TRNT1: variants seen among roughly 807,000 people sequenced by gnomAD.
TRNT1 encodes the protein CCA tRNA nucleotidyltransferase 1, mitochondrial.
A neutral mutation model predicts 45.6 loss-of-function variants in TRNT1; 44 were observed. The ratio of observed to expected loss-of-function variants is 0.97; its 90% CI spans 0.76 to 1.24. The LOEUF (loss-of-function observed/expected upper bound fraction) is 1.24. Ranked by LOEUF, TRNT1 falls within the 50% of genes most tolerant of loss-of-function variation. The pLI, the probability that TRNT1 is intolerant of heterozygous loss-of-function variation, is 0.00. For missense variants in TRNT1, 633 were observed against 504.4 expected (o/e 1.25, Z -2.44); for synonymous variants, 201 against 171.4 (o/e 1.17, Z -1.35).
In TRNT1 at chr3:3,148,051, G is replaced by GAA. The variant is rs1449106096; in HGVS notation, c.1205_1206dup (p.Glu403LysfsTer27). The GAA allele has an allele frequency of 1.4e-5, 23 of 1,613,770 alleles. No homozygotes were observed. The highest frequency in any genetic ancestry group is 1.9e-5 in the Non-Finnish European group (22 of 1,179,860). ...ATCAGAAAAGTGGGCATTTCTTCAG[G>GAA]AAAAGAAATTGGGGCTCTATTACAA... On this transcript the variant is annotated frameshift_variant, in exon 8 of 8. Transcript: ENST00000251607. LOFTEE classifies it high-confidence loss of function.
rs1207772490 is a variant in TRNT1 at position 3,129,893 on chromosome 3, A to C, written c.148+705A>C. 2.6e-6 allele frequency: 4 copies of C among 1,550,626 alleles called. No homozygotes were observed. In the East Asian group the frequency reaches 9.8e-5, roughly 38 times the overall value. On this transcript the variant is annotated intron_variant, in intron 2 of 7. Transcript: ENST00000251607. ...GATTGATTTCAGAGCCCAGCTTGCA[A>C]CCGCTAAGCTCTGTTTCCTTCCTAG...
chr3:3,130,572 T>C (rs1474929364), intron 2 of TRNT1: 1 of 152,446 alleles, frequency 6.6e-6, no homozygotes, highest in African/African-American at 2.4e-5. Flanking sequence ...AGAGTGAAAA[T>C]TGCTAAAAAT....
Position 3,148,142 on chromosome 3 carries a change from A to T in TRNT1, c.1293A>T (p.Ile431=), listed in dbSNP as rs1706189931. 2 of 1,613,292 alleles carry T rather than the reference A, an allele frequency of 1.2e-6. No homozygotes were observed. The highest frequency in any genetic ancestry group is 1.7e-6 in the Non-Finnish European group (2 of 1,179,644). ...AAAAAGATGAACTTCTGAGTTACAT[A>T]AAGAAGACCTAAAACTGATGGCTAC... ...QMEKDELLSY[I]KKT Residue 431 remains isoleucine, a synonymous_variant, in exon 8 of 8, where the codon ATA becomes ATT. Transcript: ENST00000251607.
At position 3,140,409 on chromosome 3, in the gene TRNT1, T is replaced by C. The variant is rs1705572312; in HGVS notation, c.343-101T>C. The C allele has an allele frequency of 3.5e-6, 4 of 1,157,602 alleles. No individual in the cohort carries two copies. In the South Asian group the frequency reaches 6.2e-5, roughly 18 times the overall value. 71.7% of individuals were successfully genotyped at this position (1,157,602 alleles called of 1,614,324 possible). A position where few individuals can be genotyped will look rare whatever the true frequency, so the allele number is the denominator to read the frequency against. ...AAAAGACTATAACTGTCAGGGCTTA[T>C]AGTACCATCCCTTTATAAAGACAAA... On this transcript the variant is annotated intron_variant, in intron 3 of 7. Coordinates refer to ENST00000251607, the MANE Select transcript of TRNT1 (RefSeq NM_182916.3).
rs1489331322 is a variant in TRNT1, at chr3:3,140,538, C to T, written c.371C>T (p.Thr124Ile). ...RLHEENFEITTLRIDVTTDGR... is the reference protein window; with the variant it reads ...RLHEENFEITILRIDVTTDGR... ...CATGAAGAAAATTTTGAGATTACTA[C>T]ACTACGGATTGATGTCACCACTGAT... Residue 124 changes from threonine to isoleucine, a missense_variant, in exon 4 of 8, where the codon ACA becomes ATA. Physicochemically the swap from Thr to Ile is moderately conservative, Grantham distance 89. Coordinates refer to ENST00000251607, the MANE Select transcript of TRNT1 (RefSeq NM_182916.3). 1 of 1,613,940 alleles carries T rather than the reference C, an allele frequency of 6.2e-7. No homozygotes were observed. The highest frequency in any genetic ancestry group is 8.5e-7 in the Non-Finnish European group (1 of 1,179,998).
intron 4 of TRNT1, among the ~76,000 whole-genome samples, chr3:3,143,144 G>A (rs937267545): frequency 1.3e-5 from 2 of 152,150 alleles, no homozygotes; most frequent in East Asian, 1.9e-4. Flanking sequence ...TCCCCATTTG[G>A]TGAGCTGAAT....
chr3:3,144,480 CT>C, intron 4 of TRNT1, 103 bp from the exon 5 acceptor site: 1 of 1,130,728 alleles, frequency 8.8e-7, no homozygotes, highest in East Asian at 2.5e-5. Context: ...ACTGTTCACT[CT>C]GCTGAATTTT....
chr3:3,129,269 C>G (rs1007008549), intron 2 of TRNT1, 81 bp downstream of exon 2: 1 of 1,236,680 alleles, frequency 8.1e-7, no homozygotes, highest in African/African-American at 1.5e-5. Flanking sequence ...AGCCAGCATT[C>G]GGATATTTTC....
intron 2 of TRNT1, among the ~76,000 whole-genome samples, chr3:3,135,646 G>C (rs769195997): frequency 5.9e-5 from 9 of 152,178 alleles, no homozygotes; most frequent in Non-Finnish European, 8.8e-5. Context: ...CTGAAAAGAT[G>C]TGGGAAGAGT....
intron 2 of TRNT1, among the ~76,000 whole-genome samples, chr3:3,135,893 G>C (rs963865470): frequency 3.3e-5 from 5 of 152,156 alleles, no homozygotes; most frequent in Admixed American, 2.0e-4. Flanking sequence ...AGAACCTGGA[G>C]GTATACTCAG....
chr3:3,146,676 C>A, intron 6 of TRNT1, 53 bp downstream of exon 6: 1 of 1,441,966 alleles, frequency 6.9e-7, no homozygotes, highest in Non-Finnish European at 9.3e-7. Context: ...TATCTGGTTT[C>A]AAATTTCATA....
chr3:3,152,658 T>C (rs547451229), downstream of TRNT1: 1,199 of 1,574,524 alleles, frequency 7.6e-4, 3 homozygotes, highest in Middle Eastern at 3.4e-3. Flanking sequence ...CTTAGAATTT[T>C]ATTGAAGTTC....
intron 2 of TRNT1, 147 bp downstream of exon 2, chr3:3,129,335 G>A: frequency 1.3e-6 from 1 of 778,988 alleles, no homozygotes; most frequent in Non-Finnish European, 2.0e-6. Flanking sequence ...TCTTTGTGTT[G>A]CCCAGGCTGG....
intron 6 of TRNT1, 129 bp from the exon 7 acceptor site, chr3:3,147,321 C>G (rs943971330): frequency 9.7e-7 from 1 of 1,033,754 alleles, no homozygotes; most frequent in Admixed American, 2.5e-5. Context: ...GTTGGAACAT[C>G]AGACTGAACC....
At chr3:3,134,532 G>C (rs1331820575) in intron 2 of TRNT1, among the ~76,000 whole-genome samples, 1 of 152,118 alleles carries the variant, frequency 6.6e-6, no homozygotes, top group Non-Finnish European at 1.5e-5. Context: ...AGTAAAGCCA[G>C]CATGAGAATC....
At chr3:3,127,289 G>C (rs988489549) in intron 1 of TRNT1, 1 of 152,316 alleles carries the variant, frequency 6.6e-6, no homozygotes, top group South Asian at 2.1e-4. Context: ...CGGCGTGGGG[G>C]GTGAGACGCG....
At chr3:3,151,491 AG>A (rs934394939), downstream of TRNT1, among the ~76,000 whole-genome samples, 15 of 58,882 alleles carry the variant, frequency 2.5e-4, no homozygotes, top group African/African-American at 5.2e-4. Context: ...CGTCTCAAAA[AG>A]TAAATATTTA....
downstream of TRNT1, chr3:3,150,733 C>T (rs1706471671): frequency 1.1e-6 from 1 of 904,688 alleles, no homozygotes; most frequent in South Asian, 1.7e-5. Context: ...AACTGCAACC[C>T]TCCAAGTAAT....
chr3:3,127,628 A>G (rs1704670903), intron 1 of TRNT1: 1 of 152,408 alleles, frequency 6.6e-6, no homozygotes, highest in Admixed American at 6.5e-5. Flanking sequence ...AATTCATGGG[A>G]AAATACAATG....
Sources: gnomAD v4.1 joint callset for allele counts (sites outside exome capture counted in the v4.1 genomes callset) on GRCh38, gnomAD v4.1.1 for gene constraint, MANE v1.5 for transcripts, NCBI Gene and HGNC (gene_info 2026-07-23, HGNC 2026-07-21) for gene names.